The following B3GLCT variants were observed in gnomAD, a reference collection of about 807,000 sequenced individuals.
The protein encoded by B3GLCT is beta-1,3-glucosyltransferase.
Under a neutral mutation model 63.4 loss-of-function variants are expected in B3GLCT, and 65 were observed. That is an observed-to-expected ratio of 1.03 (90% confidence interval 0.84 to 1.26). The LOEUF (loss-of-function observed/expected upper bound fraction) is 1.26. B3GLCT is among the 50% of genes most tolerant of loss of function. The pLI is 0.00. For missense variants in B3GLCT, 577 were observed against 604.8 expected (o/e 0.95, Z 0.48); for synonymous variants, 233 against 219.2 (o/e 1.06, Z -0.55).
chr13:31,213,570 G>A (rs1365797682), intron 1 of B3GLCT, among the ~76,000 whole-genome samples: 4 of 147,054 alleles, frequency 2.7e-5, no homozygotes, highest in Non-Finnish European at 5.9e-5. Context: ...CTGGGCAACA[G>A]AGTGAGACCC....
chr13:31,260,878 ACCAC>A, intron 6 of B3GLCT, 64 bp from the exon 7 acceptor site: 1 of 1,432,962 alleles, frequency 7.0e-7, no homozygotes, highest in Non-Finnish European at 9.8e-7. Context: ...AACCAATAGT[ACCAC>A]CTTCTATTGG....
In B3GLCT at chr13:31,309,466, C is replaced by T. The variant is rs114275288; in HGVS notation, c.1065-8100C>T. Among the ~76,000 whole-genome samples the T allele has an allele frequency of 5.8e-3, 879 of 152,336 alleles. 9 individuals are homozygous for T. Among genetic ancestry groups the T allele is most frequent in the African/African-American group, 0.02 (839 of 41,572 alleles). On this transcript the variant is annotated intron_variant, in intron 12 of 14. Transcript: ENST00000343307. ...TCCCCAAGACTGCTTCCCCAGACACCAGTCATAAGTCCAGACCTCCAGATC... is the reference window on the plus strand; with the variant it reads ...TCCCCAAGACTGCTTCCCCAGACACTAGTCATAAGTCCAGACCTCCAGATC...
intron 13 of B3GLCT, 86 bp downstream of exon 13, chr13:31,317,771 A>G: frequency 6.5e-7 from 1 of 1,535,720 alleles, no homozygotes; most frequent in East Asian, 2.3e-5. Context: ...ACTGGGATCT[A>G]TACTGTACGT....
At chr13:31,323,207 C>T (rs1875417461) in intron 13 of B3GLCT, among the ~76,000 whole-genome samples, 1 of 152,164 alleles carries the variant, frequency 6.6e-6, no homozygotes, top group African/African-American at 2.4e-5. Context: ...AGCTCTTTGT[C>T]CTTTTTTCCT....
chr13:31,319,819 A>T (rs1320612585), intron 13 of B3GLCT, among the ~76,000 whole-genome samples: 1 of 152,124 alleles, frequency 6.6e-6, no homozygotes, highest in Non-Finnish European at 1.5e-5. Flanking sequence ...GTCATTTCTG[A>T]CCGTAACCCC....
chr13:31,275,379 G>T (rs1483597389), intron 9 of B3GLCT, among the ~76,000 whole-genome samples: 1 of 152,188 alleles, frequency 6.6e-6, no homozygotes, highest in African/African-American at 2.4e-5. Flanking sequence ...CTTTGTGAGG[G>T]ACTGCCCACC....
At chr13:31,283,405 A>G (rs1873164012) in intron 10 of B3GLCT, 1 of 152,196 alleles carries the variant, frequency 6.6e-6, no homozygotes, top group African/African-American at 2.4e-5. Context: ...ACAGAGTGAA[A>G]TTTTTTAACA....
rs71699160 is a variant in B3GLCT at position 31,317,977 on chromosome 13, GA to G, written c.1184+302del. ...CTAGTTTTGATTGTCTATTTAAATGGAAAAAAAAAATTGGTTATAGATTTTA... is the reference window on the plus strand; with the variant it reads ...CTAGTTTTGATTGTCTATTTAAATGGAAAAAAAAATTGGTTATAGATTTTA... On this transcript the variant is annotated intron_variant, in intron 13 of 14. Coordinates refer to ENST00000343307, the MANE Select transcript of B3GLCT (RefSeq NM_194318.4). Among the ~76,000 whole-genome samples the G allele has an allele frequency of 1.8e-3, 271 of 146,502 alleles. 1 individual carries two copies. The highest frequency in any genetic ancestry group is 5.9e-3 in the African/African-American group (235 of 39,870).
intron 8 of B3GLCT, among the ~76,000 whole-genome samples, chr13:31,272,265 G>GA (rs1593288522): frequency 6.7e-6 from 1 of 149,250 alleles, no homozygotes; most frequent in African/African-American, 2.5e-5. Context: ...ACCCAGGCTG[G>GA]AGTGCAGTGG....
chr13:31,247,805 A>G (rs1236625558), intron 5 of B3GLCT, 50 bp from the exon 6 acceptor site: 1 of 943,568 alleles, frequency 1.1e-6, no homozygotes, highest in Admixed American at 1.8e-5. Context: ...AAACCTTATT[A>G]TTAACTTATT....
At chr13:31,270,609 A>G (rs952815478) in intron 8 of B3GLCT, among the ~76,000 whole-genome samples, 2 of 152,188 alleles carry the variant, frequency 1.3e-5, no homozygotes, top group Non-Finnish European at 2.9e-5. Context: ...GAAGGAGACA[A>G]CTATGAGTGA....
intron 4 of B3GLCT, among the ~76,000 whole-genome samples, chr13:31,240,481 T>TG (rs943459260): frequency 6.6e-6 from 1 of 151,226 alleles, no homozygotes; most frequent in Admixed American, 6.6e-5. Context: ...TTTTTTTCTT[T>TG]TTTTTTTTTT....
chr13:31,219,524 A>G (rs1869719172), intron 2 of B3GLCT, among the ~76,000 whole-genome samples: 1 of 152,154 alleles, frequency 6.6e-6, no homozygotes, highest in South Asian at 2.1e-4. Context: ...TGAGCTCTGA[A>G]TGACAGGCAT....
intron 12 of B3GLCT, among the ~76,000 whole-genome samples, chr13:31,287,758 T>C (rs1443709567): frequency 1.3e-5 from 2 of 152,228 alleles, no homozygotes; most frequent in African/African-American, 4.8e-5. Context: ...ATAGTTATTA[T>C]ACCTCTATTC....
chr13:31,213,664 C>G (rs1869410589), intron 1 of B3GLCT, among the ~76,000 whole-genome samples: 1 of 133,900 alleles, frequency 7.5e-6, no homozygotes, highest in African/African-American at 2.7e-5. Flanking sequence ...TATTCCTGCC[C>G]TTGTGGAGCT....
intron 14 of B3GLCT, among the ~76,000 whole-genome samples, chr13:31,325,290 T>C (rs956519775): frequency 2.6e-5 from 4 of 152,176 alleles, no homozygotes; most frequent in Non-Finnish European, 4.4e-5. Context: ...ACTTTAAGCC[T>C]GTGTATTGTG....
intron 4 of B3GLCT, among the ~76,000 whole-genome samples, chr13:31,230,869 G>C (rs1444972263): frequency 1.3e-5 from 2 of 152,082 alleles, no homozygotes; most frequent in African/African-American, 4.8e-5. Context: ...TTAGCTGGGC[G>C]TGGTGGTGTG....
rs56852390 is a variant in B3GLCT at position 31,295,337 on chromosome 13, A to C, written c.1064+8518A>C. ...GGAGTCTGTCCCTTAGCAGAGCTCC[A>C]GTGCTGTGCTGGGAGATCCACTGCT... On this transcript the variant is annotated intron_variant, in intron 12 of 14. Transcript: ENST00000343307. 6.6e-3 allele frequency among the ~76,000 whole-genome samples: 1,001 copies of C among 152,328 alleles called. 14 individuals carry two copies. The highest frequency in any genetic ancestry group is 0.023 in the African/African-American group (970 of 41,584).
intron 11 of B3GLCT, among the ~76,000 whole-genome samples, chr13:31,286,392 G>T (rs2137880728): frequency 6.6e-6 from 1 of 152,162 alleles, no homozygotes; most frequent in East Asian, 1.9e-4. Flanking sequence ...TCATTGCTGT[G>T]AGTCTTAAAA....
Sources: gnomAD v4.1 joint callset for allele counts (sites outside exome capture counted in the v4.1 genomes callset) on GRCh38, gnomAD v4.1.1 for gene constraint, MANE v1.5 for transcripts, NCBI Gene and HGNC (gene_info 2026-07-23, HGNC 2026-07-21) for gene names.